LMNTD1: variants seen among roughly 807,000 people sequenced by gnomAD.
The protein encoded by LMNTD1 is lamin tail domain-containing protein 1.
Under a neutral mutation model 50.9 loss-of-function variants are expected in LMNTD1, and 35 were observed. The ratio of observed to expected loss-of-function variants is 0.69; its 90% CI spans 0.53 to 0.91. The LOEUF is 0.91. Among genes scored for constraint, LMNTD1 ranks in the 40% least tolerant of loss-of-function variants. The pLI is 0.00. For missense variants in LMNTD1, 470 were observed against 475.5 expected (o/e 0.99, Z 0.11); for synonymous variants, 153 against 161.9 (o/e 0.94, Z 0.42).
At chr12:25,511,091 T>C (rs1213658798) in intron 8 of LMNTD1, among the ~76,000 whole-genome samples, 1 of 152,004 alleles carries the variant, frequency 6.6e-6, no homozygotes, top group East Asian at 1.9e-4. Flanking sequence ...GGTGAAAGAA[T>C]GTGTGAAGGC....
intron 9 of LMNTD1, among the ~76,000 whole-genome samples, chr12:25,487,733 T>C (rs1938707083): frequency 1.6e-5 from 2 of 122,666 alleles, no homozygotes; most frequent in Non-Finnish European, 3.3e-5. Flanking sequence ...CTAGTCTCGA[T>C]GGTCTTTACA....
rs1943847948 is a variant in LMNTD1, at chr12:25,552,859, A to G, written c.89+12T>C. 3 of 1,461,680 alleles carry G rather than the reference A, an allele frequency of 2.1e-6. No individual in the cohort carries two copies. The highest frequency in any genetic ancestry group is 1.4e-5 in the African/African-American group (1 of 71,162). 90.5% of individuals were successfully genotyped at this position (1,461,680 alleles called of 1,614,324 possible). ...CTCTAACTCTGCTTCCATCGCATCTATGCATGCTCACTGTTTTTGTTTCTC... is the reference window on the plus strand; with the variant it reads ...CTCTAACTCTGCTTCCATCGCATCTGTGCATGCTCACTGTTTTTGTTTCTC... On this transcript the variant is annotated intron_variant, in intron 2 of 9. Coordinates refer to ENST00000458174, the MANE Select transcript of LMNTD1 (RefSeq NM_001145728.2).
chr12:25,645,851 T>C (rs911238578), intron 1 of LMNTD1, among the ~76,000 whole-genome samples: 6 of 152,146 alleles, frequency 3.9e-5, no homozygotes, highest in Admixed American at 3.9e-4. Context: ...AAATAGCAGG[T>C]TCTCAGTAAA....
At chr12:25,527,828 A>G (rs933876028) in intron 4 of LMNTD1, among the ~76,000 whole-genome samples, 1 of 150,616 alleles carries the variant, frequency 6.6e-6, no homozygotes, top group Non-Finnish European at 1.5e-5. Context: ...CCACAGTTCC[A>G]AAATCCAAAA....
At chr12:25,527,252 A>C (rs183669458) in intron 4 of LMNTD1, among the ~76,000 whole-genome samples, 1 of 152,202 alleles carries the variant, frequency 6.6e-6, no homozygotes, top group East Asian at 1.9e-4. Flanking sequence ...TAATAGTTTA[A>C]ATTTCCTACT....
chr12:25,491,147 G>A (rs1012744452), intron 9 of LMNTD1, among the ~76,000 whole-genome samples: 3 of 152,182 alleles, frequency 2.0e-5, no homozygotes, highest in Non-Finnish European at 4.4e-5. Context: ...TACCACATAG[G>A]TGCTTGATCA....
chr12:25,609,528 T>C (rs749169698), intron 1 of LMNTD1, among the ~76,000 whole-genome samples: 1 of 152,230 alleles, frequency 6.6e-6, no homozygotes, highest in African/African-American at 2.4e-5. Flanking sequence ...TTTTTGTTGA[T>C]GTTGATGCTA....
chr12:25,565,869 T>G (rs77656309), intron 1 of LMNTD1, among the ~76,000 whole-genome samples: 7 of 152,330 alleles, frequency 4.6e-5, no homozygotes. Flanking sequence ...ACTATTCTAG[T>G]GTAAACGTTT....
rs565884377 is a variant in LMNTD1, at chr12:25,609,552, G to A, written c.58+38942C>T. Among the ~76,000 whole-genome samples, 7 of 152,316 alleles carry A rather than the reference G, an allele frequency of 4.6e-5. No individual in the cohort carries two copies. The South Asian group carries it at 1.2e-3, about 27-fold the overall frequency. On this transcript the variant is annotated intron_variant, in intron 1 of 7. Transcript: ENST00000445693. ...ATGTTGATGCTATTCCTTCCTGTTT[G>A]TTAGTTTTCCTTCTAACAGTCAGGT...
At chr12:25,606,095 G>A (rs1183868) in intron 1 of LMNTD1, among the ~76,000 whole-genome samples, 89 of 152,136 alleles carry the variant, frequency 5.9e-4, no homozygotes, top group African/African-American at 1.8e-3. Flanking sequence ...CTTTGAAGCA[G>A]TTGTGAATGG....
intron 9 of LMNTD1, among the ~76,000 whole-genome samples, chr12:25,499,233 G>A (rs1019669046): frequency 1.1e-4 from 16 of 151,964 alleles, no homozygotes; most frequent in African/African-American, 3.4e-4. Flanking sequence ...CAACACACCC[G>A]GCTGTTTTTT....
At chr12:25,626,860 A>AAAT (rs1290629917) in intron 1 of LMNTD1, among the ~76,000 whole-genome samples, 1 of 152,204 alleles carries the variant, frequency 6.6e-6, no homozygotes, top group East Asian at 1.9e-4. Context: ...AGAATACATC[A>AAAT]AATAATGTTT....
chr12:25,550,242 G>C (rs1943672577), intron 2 of LMNTD1, among the ~76,000 whole-genome samples: 1 of 152,110 alleles, frequency 6.6e-6, no homozygotes, highest in South Asian at 2.1e-4. Context: ...TTGTTAACTA[G>C]TGCACAATCA....
intron 4 of LMNTD1, among the ~76,000 whole-genome samples, chr12:25,533,498 T>C (rs1942359325): frequency 1.2e-5 from 1 of 81,842 alleles, no homozygotes; most frequent in Non-Finnish European, 3.1e-5. Context: ...TATTTGCTTT[T>C]AGGTTTTTTG....
intron 1 of LMNTD1, among the ~76,000 whole-genome samples, chr12:25,609,216 A>T (rs1946188972): frequency 6.6e-6 from 1 of 152,118 alleles, no homozygotes; most frequent in Non-Finnish European, 1.5e-5. Context: ...CTAGTTAGCC[A>T]TTCATCCAAT....
intron 2 of LMNTD1, among the ~76,000 whole-genome samples, chr12:25,550,848 T>C (rs1943701387): frequency 1.3e-5 from 2 of 152,206 alleles, no homozygotes; most frequent in Admixed American, 1.3e-4. Flanking sequence ...GACACAGACA[T>C]CTCAGGCAAA....
intron 9 of LMNTD1, among the ~76,000 whole-genome samples, chr12:25,500,387 C>A (rs1251900350): frequency 6.6e-6 from 1 of 152,072 alleles, no homozygotes; most frequent in African/African-American, 2.4e-5. Flanking sequence ...CCTTGGAGGG[C>A]TAGAAGAATA....
Position 25,520,141 on chromosome 12 carries a change from T to G in LMNTD1, c.799-66A>C, listed in dbSNP as rs1486769529. 341 of 137,480 alleles carry G rather than the reference T, an allele frequency of 2.5e-3. 6 individuals are homozygous for G. Among genetic ancestry groups the G allele is most frequent in the South Asian group, 2.9e-3 (14 of 4,780 alleles). 8.5% of individuals were successfully genotyped at this position (137,480 alleles called of 1,614,324 possible). On this transcript the variant is annotated intron_variant, in intron 6 of 9. Coordinates refer to ENST00000458174, the MANE Select transcript of LMNTD1 (RefSeq NM_001145728.2). ...AGGTTTACAACATGCTGTTATGAGA[T>G]ATACATATATATATATATATATATA...
chr12:25,648,470 A>C, intron 1 of LMNTD1: 1 of 1,545,990 alleles, frequency 6.5e-7, no homozygotes, highest in South Asian at 1.2e-5. Flanking sequence ...GATGGGGAAA[A>C]TCCAGCATTC....
Sources: gnomAD v4.1 joint callset for allele counts (sites outside exome capture counted in the v4.1 genomes callset) on GRCh38, gnomAD v4.1.1 for gene constraint, MANE v1.5 for transcripts, NCBI Gene and HGNC (gene_info 2026-07-23, HGNC 2026-07-21) for gene names.